The following ADAMDEC1 variants were observed in gnomAD, a reference collection of about 807,000 sequenced individuals.
ADAMDEC1 encodes the protein ADAM like decysin 1.
ADAMDEC1 carries 62 observed loss-of-function variants against 60.4 expected under a neutral mutation model. That is an observed-to-expected ratio of 1.03 (90% confidence interval 0.84 to 1.27). The LOEUF is 1.27. Ranked by LOEUF, ADAMDEC1 falls within the 50% of genes most tolerant of loss-of-function variation. The pLI is 0.00. For missense variants in ADAMDEC1, 595 were observed against 565.0 expected, an observed-to-expected ratio of 1.05 and a Z score of -0.54; for synonymous variants, 210 against 195.1, an observed-to-expected ratio of 1.08 and a Z score of -0.64.
chr8:24,397,167 A>G, intron 5 of ADAMDEC1, 103 bp from the exon 6 acceptor site: 2 of 1,014,266 alleles, frequency 2.0e-6, no homozygotes, highest in Non-Finnish European at 1.4e-6. Context: ...TGACAAGGCT[A>G]TGTGTGAAAT....
chr8:24,394,961 G>C (rs953381355), intron 4 of ADAMDEC1, among the ~76,000 whole-genome samples: 1 of 152,186 alleles, frequency 6.6e-6, no homozygotes, highest in Non-Finnish European at 1.5e-5. Flanking sequence ...TCCAAAAAGG[G>C]AGAAAAGACC....
intron 5 of ADAMDEC1, among the ~76,000 whole-genome samples, chr8:24,396,472 A>G (rs141054173): frequency 2.0e-3 from 304 of 152,334 alleles, no homozygotes; most frequent in African/African-American, 6.8e-3. Flanking sequence ...AGATAGCTCC[A>G]CTGCACTCTA....
intron 10 of ADAMDEC1, 60 bp from the exon 11 acceptor site, chr8:24,400,110 A>T: frequency 7.3e-7 from 1 of 1,366,962 alleles, no homozygotes; most frequent in African/African-American, 1.5e-5. Context: ...TTTTTAAAGT[A>T]CTGCACATTG....
In ADAMDEC1 at chr8:24,400,230, C is replaced by T; in HGVS notation, c.1072C>T (p.Leu358Phe). Residue 358 changes from leucine to phenylalanine, a missense_variant, in exon 11 of 14, where the codon CTT becomes TTT. By Grantham distance (22) the Leu-to-Phe change is conservative. Coordinates refer to ENST00000256412, the MANE Select transcript of ADAMDEC1 (RefSeq NM_014479.3). ...GVMSHELGHVLGMPDVPFNTK... is the reference protein window; with the variant it reads ...GVMSHELGHVFGMPDVPFNTK... ...GATGTCACATGAGCTGGGCCATGTCCTTGGTATGCCTGATGTTCCATTCAA... is the reference window on the plus strand; with the variant it reads ...GATGTCACATGAGCTGGGCCATGTCTTTGGTATGCCTGATGTTCCATTCAA... 6.2e-7 allele frequency: 1 copy of T among 1,611,932 alleles called. No individual in the cohort carries two copies. The highest frequency in any genetic ancestry group is 8.5e-7 in the Non-Finnish European group (1 of 1,178,808).
intron 4 of ADAMDEC1, 43 bp from the exon 5 acceptor site, chr8:24,395,677 C>G: frequency 7.4e-7 from 1 of 1,356,876 alleles, no homozygotes; most frequent in African/African-American, 1.4e-5. Context: ...CATACACACA[C>G]ACACACACAT....
Position 24,395,832 on chromosome 8 carries a change from A to C in ADAMDEC1, c.440+36A>C, listed in dbSNP as rs760310395. The C allele has an allele frequency of 2.6e-6, 4 of 1,530,088 alleles. No homozygotes were observed. The African/African-American group carries it at 4.1e-5, about 16-fold the overall frequency. 94.8% of individuals were successfully genotyped at this position (1,530,088 alleles called of 1,614,324 possible). Reference sequence around the variant, plus strand: ...CCATCAAAATTACTCAAGATCAAGAAGCTTTTTGTTACACAGAATTAAGGG... The same window carrying C: ...CCATCAAAATTACTCAAGATCAAGACGCTTTTTGTTACACAGAATTAAGGG... On this transcript the variant is annotated intron_variant, in intron 5 of 13. Transcript: ENST00000256412.
At chr8:24,399,296 G>A in intron 9 of ADAMDEC1, 97 bp from the exon 10 acceptor site, 1 of 1,294,912 alleles carries the variant, frequency 7.7e-7, no homozygotes, top group Non-Finnish European at 1.1e-6. Flanking sequence ...AATATAAAAA[G>A]GCTAGGGCAG....
intron 10 of ADAMDEC1, 87 bp downstream of exon 10, chr8:24,399,561 A>G: frequency 9.2e-7 from 1 of 1,084,604 alleles, no homozygotes; most frequent in Non-Finnish European, 1.4e-6. Flanking sequence ...AGCAAAATGA[A>G]CATTTGCTGA....
At chr8:24,404,472 T>C (rs1303286745) in intron 13 of ADAMDEC1, among the ~76,000 whole-genome samples, 1 of 152,250 alleles carries the variant, frequency 6.6e-6, no homozygotes, top group Non-Finnish European at 1.5e-5. Context: ...TTTGCAAGGC[T>C]GTCAGAAAAT....
chr8:24,391,498 G>T (rs2129358357), intron 1 of ADAMDEC1, among the ~76,000 whole-genome samples: 1 of 152,054 alleles, frequency 6.6e-6, no homozygotes, highest in East Asian at 1.9e-4. Flanking sequence ...ACATCTTTTG[G>T]CTCCAAGATA....
chr8:24,402,940 G>A (rs1274280125), intron 12 of ADAMDEC1, among the ~76,000 whole-genome samples: 1 of 152,080 alleles, frequency 6.6e-6, no homozygotes, highest in Non-Finnish European at 1.5e-5. Context: ...TTAGAGTTAC[G>A]TTTATCTCGT....
chr8:24,400,952 C>T (rs1337934157), intron 11 of ADAMDEC1, among the ~76,000 whole-genome samples: 5 of 140,704 alleles, frequency 3.6e-5, no homozygotes, highest in East Asian at 2.0e-4. Context: ...CATGTCCCTA[C>T]AAAGGACATG....
At chr8:24,399,618 T>C in intron 10 of ADAMDEC1, 144 bp downstream of exon 10, 7 of 743,332 alleles carry the variant, frequency 9.4e-6, no homozygotes, top group Non-Finnish European at 1.4e-5. Flanking sequence ...GTCATTGCAC[T>C]GAAGATCCCT....
At chr8:24,392,630 G>C (rs973589120) in intron 2 of ADAMDEC1, among the ~76,000 whole-genome samples, 1 of 152,182 alleles carries the variant, frequency 6.6e-6, no homozygotes, top group South Asian at 2.1e-4. Flanking sequence ...TCTTAAGTTT[G>C]AGAGTGAGGA....
At chr8:24,393,037 CAT>C (rs1208407368) in intron 2 of ADAMDEC1, among the ~76,000 whole-genome samples, 1 of 151,782 alleles carries the variant, frequency 6.6e-6, no homozygotes, top group Non-Finnish European at 1.5e-5. Flanking sequence ...CCCTATCTCA[CAT>C]ATTAAAGCTA....
At chr8:24,396,492 A>T (rs1032775123) in intron 5 of ADAMDEC1, among the ~76,000 whole-genome samples, 3 of 152,238 alleles carry the variant, frequency 2.0e-5, no homozygotes, top group Admixed American at 2.0e-4. Flanking sequence ...AGCTTGGGCG[A>T]CAGAGCGAGA....
In ADAMDEC1 at chr8:24,397,713, A is replaced by G; in HGVS notation, c.658A>G (p.Ile220Val). Reference protein sequence around the residue: ...KEDFLRAQKYIDLYLVLDNAF... With the variant: ...KEDFLRAQKYVDLYLVLDNAF... ...AGACTTTCTTCGGGCACAGAAATAC[A>G]TTGATCTCTATTTGGTGCTGGATAA... The change falls in exon 7 of 14, where the codon ATT becomes GTT. Residue 220 changes from isoleucine (I) to valine (V), a missense_variant. Coordinates refer to ENST00000256412, the MANE Select transcript of ADAMDEC1 (RefSeq NM_014479.3). The G allele has an allele frequency of 2.5e-6, 4 of 1,613,648 alleles. No individual in the cohort carries two copies. Among genetic ancestry groups the G allele is most frequent in the Admixed American group, 1.7e-5 (1 of 60,002 alleles).
At chr8:24,397,926 G>A (rs1334665294) in intron 7 of ADAMDEC1, among the ~76,000 whole-genome samples, 181 bp downstream of exon 7, 1 of 151,658 alleles carries the variant, frequency 6.6e-6, no homozygotes, top group East Asian at 1.9e-4. Context: ...ATATCCATCT[G>A]CCACCAAAAT....
rs762889449 is a variant in ADAMDEC1 at position 24,399,498 on chromosome 8, C to T, written c.1011+24C>T. Reference sequence around the variant, plus strand: ...AGGTTTGTAAATTTGTAGTAAGGCTCTCTGTGGTTCTGTATCCTCTATGAA... The same window carrying T: ...AGGTTTGTAAATTTGTAGTAAGGCTTTCTGTGGTTCTGTATCCTCTATGAA... On this transcript the variant is annotated intron_variant, in intron 10 of 13. Coordinates refer to ENST00000256412, the MANE Select transcript of ADAMDEC1 (RefSeq NM_014479.3). 8.2e-6 allele frequency: 13 copies of T among 1,576,300 alleles called. 1 individual carries two copies. In the Admixed American group the frequency reaches 1.7e-4, roughly 20 times the overall value.
Sources: allele counts gnomAD v4.1 joint callset (sites outside exome capture counted in the v4.1 genomes callset), GRCh38; gene constraint gnomAD v4.1.1; transcripts MANE v1.5; gene names NCBI Gene and HGNC (gene_info 2026-07-23, HGNC 2026-07-21).